The following UBR3 variants were observed in gnomAD, a reference collection of about 807,000 sequenced individuals.
UBR3 encodes E3 ubiquitin-protein ligase UBR3.
A neutral mutation model predicts 243.2 loss-of-function variants in UBR3; 85 were observed. The ratio of observed to expected loss-of-function variants is 0.35; its 90% CI spans 0.29 to 0.42. The LOEUF (loss-of-function observed/expected upper bound fraction) is 0.42, where lower values mean the gene tolerates loss of function less well. UBR3 is among the 10% of genes least tolerant of loss of function. UBR3 has a pLI of 1.00. For synonymous variants in UBR3, 748 were observed against 799.8 expected, an observed-to-expected ratio of 0.94 and a Z score of 1.09; for missense variants, 1,686 against 2,300.8, an observed-to-expected ratio of 0.73 and a Z score of 5.47.
At chr2:170,071,534 T>G (rs958695909) in intron 35 of UBR3, among the ~76,000 whole-genome samples, 2 of 152,110 alleles carry the variant, frequency 1.3e-5, no homozygotes, top group Non-Finnish European at 2.9e-5. Context: ...ATTGTGATGG[T>G]GGGTGCATGA....
rs547677980 is a variant in UBR3, at chr2:169,913,367, T to G, written c.1780-693T>G. On this transcript the variant is annotated intron_variant, in intron 10 of 38. Coordinates refer to ENST00000272793, the MANE Select transcript of UBR3 (RefSeq NM_172070.4). ...TTTGTTTGTTTGTTTTTTGTTTTTT[T>G]TTTTGTTTTTGGTAAGCAAGCCTAT... Among the ~76,000 whole-genome samples, 18 of 149,138 alleles carry G rather than the reference T, an allele frequency of 1.2e-4. 1 individual carries two copies. In the South Asian group the frequency reaches 2.3e-3, roughly 19 times the overall value.
intron 9 of UBR3, 78 bp downstream of exon 9, chr2:169,905,371 C>A: frequency 1.8e-6 from 2 of 1,092,700 alleles, no homozygotes; most frequent in Non-Finnish European, 2.5e-6. Context: ...AATTAAAATA[C>A]AATAGCACAT....
At chr2:169,856,752 G>A (rs1211162840) in intron 1 of UBR3, among the ~76,000 whole-genome samples, 2 of 151,862 alleles carry the variant, frequency 1.3e-5, no homozygotes, top group Non-Finnish European at 2.9e-5. Flanking sequence ...GAATCAGGCA[G>A]GGAGGTTGCA....
intron 19 of UBR3, among the ~76,000 whole-genome samples, chr2:169,937,855 T>G (rs2086405617): frequency 6.6e-6 from 1 of 152,192 alleles, no homozygotes; most frequent in Admixed American, 6.5e-5. Flanking sequence ...TAGATCTTTC[T>G]TTTTGGCCTG....
chr2:169,987,188 ATACTAGCC>A (rs1250659893), intron 25 of UBR3, among the ~76,000 whole-genome samples: 1 of 152,016 alleles, frequency 6.6e-6, no homozygotes, highest in African/African-American at 2.4e-5. Flanking sequence ...CAGGAATTCA[ATACTAGCC>A]TACATGGCCA....
At chr2:170,055,722 A>G in intron 33 of UBR3, 138 bp downstream of exon 33, 1 of 1,025,558 alleles carries the variant, frequency 9.8e-7, no homozygotes, top group Non-Finnish European at 1.4e-6. Flanking sequence ...AGGCTAAAAA[A>G]TGTTTAAAAT....
Position 170,041,051 on chromosome 2 carries a change from G to T in UBR3, c.4660+66G>T, listed in dbSNP as rs2090955943. On this transcript the variant is annotated intron_variant, in intron 32 of 38. Coordinates refer to ENST00000272793, the MANE Select transcript of UBR3 (RefSeq NM_172070.4). ...TATTTTGAATATTCTAGAGATTATA[G>T]AGACAAATAGGCTGGGTGTGGTGGC... The T allele has an allele frequency of 2.8e-6, 4 of 1,452,192 alleles. No individual in the cohort carries two copies. In the Admixed American group the frequency reaches 7.2e-5, roughly 26 times the overall value. The allele number at this position is 1,452,192 out of a possible 1,614,324, so 90.0% of individuals were successfully genotyped here. A position where few individuals can be genotyped will look rare whatever the true frequency, so the allele number is the denominator to read the frequency against.
intron 1 of UBR3, among the ~76,000 whole-genome samples, chr2:169,836,091 T>TTTTTTTTTG (rs2082105142): frequency 8.6e-6 from 1 of 115,848 alleles, no homozygotes; most frequent in Non-Finnish European, 1.8e-5. Flanking sequence ...TTTTTTTTTT[T>TTTTTTTTTG]TTGAGATGGA....
intron 1 of UBR3, among the ~76,000 whole-genome samples, chr2:169,862,109 C>A (rs2083113035): frequency 6.6e-6 from 1 of 152,112 alleles, no homozygotes; most frequent in Non-Finnish European, 1.5e-5. Flanking sequence ...TGTATATTTA[C>A]TGTCTTAATA....
chr2:170,083,134 A>G lies in UBR3; in HGVS notation c.*1291A>G, dbSNP rs1469169325. ...GGACTTCCATGGCTTGTTATATAAAATTACATTTTTACATGTAAAAATAAA... is the reference window on the plus strand; with the variant it reads ...GGACTTCCATGGCTTGTTATATAAAGTTACATTTTTACATGTAAAAATAAA... On this transcript the variant is annotated 3_prime_UTR_variant, in exon 39 of 39. Coordinates refer to ENST00000272793, the MANE Select transcript of UBR3 (RefSeq NM_172070.4). 1 of 152,192 alleles carries G rather than the reference A, an allele frequency of 6.6e-6. No homozygotes were observed. The highest frequency in any genetic ancestry group is 1.5e-5 in the Non-Finnish European group (1 of 67,916). The allele number at this position is 152,192 out of a possible 1,614,324, so 9.4% of individuals were successfully genotyped here.
At chr2:170,015,886 A>G (rs886769638) in intron 30 of UBR3, among the ~76,000 whole-genome samples, 2 of 151,888 alleles carry the variant, frequency 1.3e-5, no homozygotes, top group African/African-American at 4.8e-5. Flanking sequence ...AGAGAAGTGT[A>G]ATTTGTAATT....
At chr2:170,042,816 G>A (rs891798313) in intron 32 of UBR3, among the ~76,000 whole-genome samples, 1 of 150,130 alleles carries the variant, frequency 6.7e-6, no homozygotes, top group African/African-American at 2.5e-5. Context: ...ATATTTAACT[G>A]CAAAACTTCA....
Position 169,899,741 on chromosome 2 carries a change from A to C in UBR3, c.1465+3006A>C, listed in dbSNP as rs571786677. On this transcript the variant is annotated intron_variant, in intron 8 of 38. Coordinates refer to ENST00000272793, the MANE Select transcript of UBR3 (RefSeq NM_172070.4). Reference sequence around the variant, plus strand: ...GTTCAACTCCCACTTATGAGTGAAAACATGCGGTGTTTGGTTTTCTGTCCT... The same window carrying C: ...GTTCAACTCCCACTTATGAGTGAAACCATGCGGTGTTTGGTTTTCTGTCCT... Among the ~76,000 whole-genome samples the C allele has an allele frequency of 3.9e-5, 6 of 152,184 alleles. No homozygotes were observed. The East Asian group carries it at 1.2e-3, about 29-fold the overall frequency.
chr2:169,878,613 T>G, intron 5 of UBR3, 39 bp downstream of exon 5: 1 of 1,510,344 alleles, frequency 6.6e-7, no homozygotes, highest in East Asian at 2.5e-5. Flanking sequence ...AAAGTACAAT[T>G]TTGTGCTTTT....
At chr2:169,928,534 A>G (rs766817358) in intron 17 of UBR3, among the ~76,000 whole-genome samples, 193 bp from the exon 18 acceptor site, 8 of 152,194 alleles carry the variant, frequency 5.3e-5, no homozygotes, top group Non-Finnish European at 1.2e-4. Flanking sequence ...TAGATTAAAC[A>G]TATTTTCAAA....
chr2:170,001,535 C>A, intron 27 of UBR3, 121 bp downstream of exon 27: 1 of 621,256 alleles, frequency 1.6e-6, no homozygotes, highest in Non-Finnish European at 2.8e-6. Context: ...ATCGTATAAA[C>A]TATCCAGTCT....
intron 35 of UBR3, among the ~76,000 whole-genome samples, chr2:170,065,967 G>A (rs1454279388): frequency 5.0e-5 from 7 of 140,720 alleles, no homozygotes; most frequent in African/African-American, 1.6e-4. Flanking sequence ...TACGTATCCC[G>A]TGCCTTTTTT....
intron 25 of UBR3, among the ~76,000 whole-genome samples, chr2:169,990,573 A>G (rs1307253183): frequency 2.0e-5 from 3 of 151,994 alleles, no homozygotes; most frequent in Admixed American, 2.0e-4. Context: ...GAGTGTAGGC[A>G]TTGAGATAGA....
intron 1 of UBR3, among the ~76,000 whole-genome samples, chr2:169,864,906 CAAAAAA>C (rs11336906): frequency 3.1e-4 from 20 of 64,834 alleles, no homozygotes; most frequent in East Asian, 1.0e-3. Flanking sequence ...GACTCCGTCT[CAAAAAA>C]AAAAAAAAAA....
Sources: gnomAD v4.1 joint callset for allele counts (sites outside exome capture counted in the v4.1 genomes callset) on GRCh38, gnomAD v4.1.1 for gene constraint, MANE v1.5 for transcripts, NCBI Gene and HGNC (gene_info 2026-07-23, HGNC 2026-07-21) for gene names.